The following STXBP5L variants were observed in gnomAD, a reference collection of about 807,000 sequenced individuals.
STXBP5L encodes the protein syntaxin binding protein 5L.
A neutral mutation model predicts 144.5 loss-of-function variants in STXBP5L; 65 were observed. That is an observed-to-expected ratio of 0.45 (90% CI 0.37 to 0.55). STXBP5L has a LOEUF of 0.55. Ranked by LOEUF, STXBP5L falls within the 20% of genes least tolerant of loss-of-function variation. STXBP5L has a pLI of 0.00. For synonymous variants in STXBP5L, 505 were observed against 469.6 expected (o/e 1.08, Z -0.97); for missense variants, 1,298 against 1,405.5 (o/e 0.92, Z 1.22).
At chr3:121,254,088 G>A (rs2108372572) in intron 15 of STXBP5L, among the ~76,000 whole-genome samples, 1 of 152,128 alleles carries the variant, frequency 6.6e-6, no homozygotes, top group South Asian at 2.1e-4. Context: ...AGGAGTTCAG[G>A]CCGGTTATTT....
At chr3:121,402,989 G>A (rs1319822657) in intron 22 of STXBP5L, among the ~76,000 whole-genome samples, 1 of 152,050 alleles carries the variant, frequency 6.6e-6, no homozygotes, top group Non-Finnish European at 1.5e-5. Context: ...CATCATGCCT[G>A]GCTAACAATT....
chr3:121,079,162 C>A (rs549448262), intron 5 of STXBP5L, among the ~76,000 whole-genome samples: 1 of 152,248 alleles, frequency 6.6e-6, no homozygotes, highest in Non-Finnish European at 1.5e-5. Context: ...AGGTGCTCAC[C>A]GGCTCAGCCG....
intron 5 of STXBP5L, among the ~76,000 whole-genome samples, chr3:121,080,630 A>G (rs2042211972): frequency 6.6e-6 from 1 of 152,178 alleles, no homozygotes; most frequent in Non-Finnish European, 1.5e-5. Context: ...ATTTTGTTTA[A>G]GGAGGTGGAA....
At chr3:121,146,527 A>G (rs574291924) in intron 7 of STXBP5L, among the ~76,000 whole-genome samples, 1 of 152,168 alleles carries the variant, frequency 6.6e-6, no homozygotes, top group Admixed American at 6.6e-5. Context: ...TTAAATGTAA[A>G]CTGACTAAAT....
chr3:121,258,520 A>G (rs2050283645), intron 17 of STXBP5L, among the ~76,000 whole-genome samples: 1 of 152,194 alleles, frequency 6.6e-6, no homozygotes, highest in Non-Finnish European at 1.5e-5. Flanking sequence ...AGAAAACATC[A>G]TCATAAAATT....
intron 19 of STXBP5L, among the ~76,000 whole-genome samples, chr3:121,296,314 A>C (rs2051646689): frequency 6.6e-6 from 1 of 152,224 alleles, no homozygotes; most frequent in Non-Finnish European, 1.5e-5. Flanking sequence ...TACTAATGTC[A>C]GTAATGGATT....
At chr3:121,357,045 G>T in intron 20 of STXBP5L, 1 of 199,898 alleles carries the variant, frequency 5.0e-6, no homozygotes, top group Non-Finnish European at 1.1e-5. Flanking sequence ...CTGGAACAGG[G>T]ATCATACCCA....
chr3:121,347,194 A>G (rs1429008671), intron 20 of STXBP5L, among the ~76,000 whole-genome samples: 1 of 152,180 alleles, frequency 6.6e-6, no homozygotes, highest in Non-Finnish European at 1.5e-5. Context: ...TCCCAGCACC[A>G]TTTATTAAAT....
At chr3:121,381,626 A>C in intron 22 of STXBP5L, 94 bp downstream of exon 22, 1 of 1,492,420 alleles carries the variant, frequency 6.7e-7, no homozygotes, top group Non-Finnish European at 9.0e-7. Context: ...TTTGGAGCAA[A>C]GGTTATAAGT....
At chr3:121,295,750 C>T (rs139707419) in intron 19 of STXBP5L, among the ~76,000 whole-genome samples, 1 of 152,194 alleles carries the variant, frequency 6.6e-6, no homozygotes, top group East Asian at 1.9e-4. Context: ...CTACTGACAC[C>T]TACATCTACA....
intron 5 of STXBP5L, among the ~76,000 whole-genome samples, chr3:121,089,966 T>A (rs931826684): frequency 1.3e-5 from 2 of 152,144 alleles, no homozygotes; most frequent in African/African-American, 4.8e-5. Flanking sequence ...TATATTTTTA[T>A]TTGTTTCATA....
intron 9 of STXBP5L, among the ~76,000 whole-genome samples, chr3:121,160,440 G>A (rs1348695791): frequency 1.3e-5 from 2 of 152,060 alleles, no homozygotes; most frequent in Non-Finnish European, 2.9e-5. Context: ...CAAATAAAAA[G>A]AAACAATACA....
chr3:120,973,687 T>G (rs373613560), intron 3 of STXBP5L, among the ~76,000 whole-genome samples: 7 of 151,334 alleles, frequency 4.6e-5, no homozygotes, highest in African/African-American at 1.7e-4. Flanking sequence ...ATGCTATCCC[T>G]CCCCCATCCC....
At chr3:121,074,551 C>T (rs987696778) in intron 5 of STXBP5L, among the ~76,000 whole-genome samples, 9 of 152,216 alleles carry the variant, frequency 5.9e-5, no homozygotes, top group African/African-American at 2.2e-4. Flanking sequence ...TCCACCACTA[C>T]ATGTGCCTGA....
Position 121,082,208 on chromosome 3 carries a change from A to T in STXBP5L, c.471-32717A>T, listed in dbSNP as rs546088127. Among the ~76,000 whole-genome samples, 3 of 152,150 alleles carry T rather than the reference A, an allele frequency of 2.0e-5. No individual in the cohort carries two copies. The East Asian group carries it at 5.8e-4, about 29-fold the overall frequency. ...TAAATCTGTATATTACTTTGGGGAG[A>T]ATTTATATCATTGCTTATGTTGAGT... On this transcript the variant is annotated intron_variant, in intron 5 of 26. Coordinates refer to ENST00000471454, the MANE Select transcript of STXBP5L (RefSeq NM_001308330.2).
chr3:121,004,970 T>C (rs1020563382), intron 3 of STXBP5L, among the ~76,000 whole-genome samples: 5 of 152,192 alleles, frequency 3.3e-5, no homozygotes, highest in African/African-American at 1.2e-4. Flanking sequence ...TTGTTGAGGA[T>C]TTTTGCATCG....
At chr3:120,949,225 T>A (rs1389788585) in intron 2 of STXBP5L, among the ~76,000 whole-genome samples, 1 of 152,014 alleles carries the variant, frequency 6.6e-6, no homozygotes, top group African/African-American at 2.4e-5. Flanking sequence ...TGTCTATTCA[T>A]GTCCTTTGCC....
chr3:120,972,304 A>G (rs1940363832), intron 3 of STXBP5L, among the ~76,000 whole-genome samples: 2 of 151,960 alleles, frequency 1.3e-5, no homozygotes, highest in Non-Finnish European at 2.9e-5. Flanking sequence ...GGTTAAATGT[A>G]TTTCTAGATA....
intron 20 of STXBP5L, among the ~76,000 whole-genome samples, chr3:121,322,381 G>A (rs111377050): frequency 0.12 from 18,256 of 151,654 alleles, 1,151 homozygotes; most frequent in Non-Finnish European, 0.14. Flanking sequence ...GGGAGGCTGA[G>A]GCAGGAGAAT....
Sources: gnomAD v4.1 joint callset for allele counts (sites outside exome capture counted in the v4.1 genomes callset) on GRCh38, gnomAD v4.1.1 for gene constraint, MANE v1.5 for transcripts, NCBI Gene and HGNC (gene_info 2026-07-23, HGNC 2026-07-21) for gene names.